The following PCDH15 variants were observed in gnomAD, a reference collection of about 807,000 sequenced individuals.
The protein encoded by PCDH15 is protocadherin-15.
In PCDH15, 129 loss-of-function variants were observed where a neutral mutation model predicts 178.5. The ratio of observed to expected loss-of-function variants is 0.72; its 90% CI spans 0.63 to 0.84. The LOEUF (loss-of-function observed/expected upper bound fraction) is 0.84. PCDH15 is among the 40% of genes least tolerant of loss of function. The pLI is 0.00. For synonymous variants in PCDH15, 800 were observed against 732.0 expected (o/e 1.09, Z -1.50); for missense variants, 2,230 against 2,099.9 (o/e 1.06, Z -1.21).
chr10:54,213,868 T>C, intron 10 of PCDH15, 68 bp downstream of exon 10: 1 of 1,005,966 alleles, frequency 9.9e-7, no homozygotes, highest in Non-Finnish European at 1.6e-6. Context: ...CTGCCTACAG[T>C]AGCGTCTACA....
At chr10:54,714,571 T>C (rs116289030) in intron 1 of PCDH15, among the ~76,000 whole-genome samples, 86 of 152,266 alleles carry the variant, frequency 5.6e-4, no homozygotes, top group African/African-American at 1.9e-3. Flanking sequence ...TCCATTTGAT[T>C]CAATTTTTCT....
chr10:54,751,705 AT>A (rs567624469), intron 1 of PCDH15, among the ~76,000 whole-genome samples: 3 of 152,116 alleles, frequency 2.0e-5, no homozygotes, highest in African/African-American at 7.2e-5. Flanking sequence ...AAGAAAACAG[AT>A]TTTTTTCCAA....
At chr10:54,166,784 T>C (rs1226439974) in intron 13 of PCDH15, among the ~76,000 whole-genome samples, 9 of 152,168 alleles carry the variant, frequency 5.9e-5, no homozygotes, top group Admixed American at 3.9e-4. Flanking sequence ...GAATATGCCC[T>C]GCCCCACCTT....
chr10:53,849,885 A>T (rs1276505447), intron 28 of PCDH15, among the ~76,000 whole-genome samples: 4 of 145,012 alleles, frequency 2.8e-5, no homozygotes, highest in African/African-American at 1.0e-4. Context: ...AAAAAAAAAG[A>T]AAGAAAGAAA....
At chr10:54,929,915 A>C (rs1027955472) in intron 2 of PCDH15, among the ~76,000 whole-genome samples, 1 of 152,198 alleles carries the variant, frequency 6.6e-6, no homozygotes, top group African/African-American at 2.4e-5. Flanking sequence ...AAATTATTTA[A>C]GCAGATAGAT....
At chr10:55,031,026 T>G (rs929264039) in intron 2 of PCDH15, among the ~76,000 whole-genome samples, 5 of 151,886 alleles carry the variant, frequency 3.3e-5, no homozygotes, top group African/African-American at 1.2e-4. Flanking sequence ...TCACATAAAA[T>G]GCTCAAAGTA....
intron 2 of PCDH15, among the ~76,000 whole-genome samples, chr10:55,564,115 C>T (rs1842253497): frequency 6.6e-6 from 1 of 151,554 alleles, no homozygotes; most frequent in Non-Finnish European, 1.5e-5. Context: ...GTCTAAAGTT[C>T]CCATTATTAT....
intron 2 of PCDH15, among the ~76,000 whole-genome samples, chr10:54,551,123 A>C (rs10763114): frequency 0.76 from 108,098 of 141,498 alleles, 42,170 homozygotes; most frequent in East Asian, 0.99. Flanking sequence ...ACACTGCACT[A>C]CAGCCTGGGC....
rs143893189 is a variant in PCDH15, at chr10:55,009,700, T to C, written c.-79-112200A>G. Among the ~76,000 whole-genome samples, 473 of 152,256 alleles carry C rather than the reference T, an allele frequency of 3.1e-3. 3 individuals are homozygous for C. The highest frequency in any genetic ancestry group is 0.011 in the African/African-American group (462 of 41,562). ...TCCAAGACTAAAAGAAATAGCTATA[T>C]TACTAAGCATGAAAAGAAATCTAGT... is the stretch of plus-strand genomic sequence containing the variant. On this transcript the variant is annotated intron_variant, in intron 2 of 5. Coordinates refer to the PCDH15 transcript ENST00000458638.
intron 15 of PCDH15, among the ~76,000 whole-genome samples, chr10:54,090,338 T>C (rs1236554600): frequency 6.6e-6 from 1 of 152,174 alleles, no homozygotes; most frequent in East Asian, 1.9e-4. Flanking sequence ...CAATGTCTGT[T>C]TATAATTTAA....
chr10:54,986,891 T>G (rs1446570500), intron 2 of PCDH15, among the ~76,000 whole-genome samples: 1 of 152,158 alleles, frequency 6.6e-6, no homozygotes. Flanking sequence ...GAAAAACTTT[T>G]TATTTTTCAT....
At chr10:54,932,349 A>G (rs1204486887) in intron 2 of PCDH15, among the ~76,000 whole-genome samples, 4 of 152,202 alleles carry the variant, frequency 2.6e-5, no homozygotes, top group African/African-American at 4.8e-5. Context: ...TAATTTTTAT[A>G]TAAAATTTTT....
At chr10:54,205,687 C>A (rs1204446584) in intron 10 of PCDH15, among the ~76,000 whole-genome samples, 3 of 151,856 alleles carry the variant, frequency 2.0e-5, no homozygotes, top group African/African-American at 4.8e-5. Flanking sequence ...GATTCTTGAC[C>A]CTACTTATAA....
At chr10:54,705,166 A>G (rs1332515943) in intron 1 of PCDH15, among the ~76,000 whole-genome samples, 1 of 152,106 alleles carries the variant, frequency 6.6e-6, no homozygotes, top group South Asian at 2.1e-4. Flanking sequence ...ACTGATGCCT[A>G]CTTGAGAGTT....
At chr10:54,453,270 G>A (rs2076597397) in intron 3 of PCDH15, among the ~76,000 whole-genome samples, 1 of 152,124 alleles carries the variant, frequency 6.6e-6, no homozygotes, top group Non-Finnish European at 1.5e-5. Context: ...GTCCAACAAT[G>A]ATAGACTGGA....
chr10:54,825,689 T>C (rs3858271), intron 3 of PCDH15, among the ~76,000 whole-genome samples: 7,562 of 152,096 alleles, frequency 0.05, 279 homozygotes, highest in South Asian at 0.14. Context: ...GAAGTGTCTG[T>C]TCATGTCCTT....
chr10:54,466,603 T>C (rs1383897948), intron 3 of PCDH15, among the ~76,000 whole-genome samples: 2 of 151,924 alleles, frequency 1.3e-5, no homozygotes, highest in East Asian at 1.9e-4. Flanking sequence ...TTTGAAGTCA[T>C]GTAGTGTGGT....
intron 2 of PCDH15, among the ~76,000 whole-genome samples, chr10:55,363,589 A>G (rs183407661): frequency 6.6e-5 from 10 of 152,240 alleles, no homozygotes; most frequent in Non-Finnish European, 1.2e-4. Flanking sequence ...CTGTACAATG[A>G]ATCCCTTGAA....
intron 18 of PCDH15, among the ~76,000 whole-genome samples, chr10:54,062,258 A>AAAAAAAAG (rs1565159236): frequency 9.4e-6 from 1 of 106,638 alleles, no homozygotes; most frequent in Non-Finnish European, 2.0e-5. Context: ...AAAAACAAAA[A>AAAAAAAAG]ACAACTAAAT....
Sources: allele counts gnomAD v4.1 joint callset (sites outside exome capture counted in the v4.1 genomes callset), GRCh38; gene constraint gnomAD v4.1.1; transcripts MANE v1.5; gene names NCBI Gene and HGNC (gene_info 2026-07-23, HGNC 2026-07-21).